Variants in DNAH9 observed in about 807,000 individuals in gnomAD.
DNAH9 encodes dynein axonemal heavy chain 9.
In DNAH9, 345 loss-of-function variants were observed where a neutral mutation model predicts 471.6. The ratio of observed to expected loss-of-function variants is 0.73; its 90% confidence interval spans 0.67 to 0.80. DNAH9 has a LOEUF of 0.80. Ranked by LOEUF, DNAH9 falls within the 30% of genes least tolerant of loss-of-function variation. The probability of loss-of-function intolerance (pLI) is 0.00; values close to 1 mark genes in which losing one functional copy is unlikely to be tolerated. For synonymous variants in DNAH9, 2,093 were observed against 2,123.6 expected (o/e 0.99, Z 0.40); for missense variants, 5,407 against 5,609.2 (o/e 0.96, Z 1.15).
At chr17:11,682,344 T>G (rs1159821898) in intron 19 of DNAH9, among the ~76,000 whole-genome samples, 1 of 152,014 alleles carries the variant, frequency 6.6e-6, no homozygotes, top group Non-Finnish European at 1.5e-5. Context: ...TTGAACTCCT[T>G]GGGTTCAAGC....
At chr17:11,903,625 G>A (rs1255590798) in intron 60 of DNAH9, among the ~76,000 whole-genome samples, 1 of 151,778 alleles carries the variant, frequency 6.6e-6, no homozygotes, top group Non-Finnish European at 1.5e-5. Flanking sequence ...AAATACCAGG[G>A]AGGGCCCGGG....
intron 41 of DNAH9, among the ~76,000 whole-genome samples, chr17:11,791,193 A>C (rs1044639467): frequency 1.3e-5 from 2 of 152,146 alleles, no homozygotes; most frequent in Non-Finnish European, 2.9e-5. Context: ...TATTTTTAAA[A>C]AATTTTAGGA....
intron 6 of DNAH9, among the ~76,000 whole-genome samples, chr17:11,628,629 C>G (rs978975657): frequency 6.6e-6 from 1 of 152,118 alleles, no homozygotes; most frequent in Non-Finnish European, 1.5e-5. Flanking sequence ...CAAAGAAGGC[C>G]GGTGTCACCC....
chr17:11,766,035 C>T lies in DNAH9; in HGVS notation c.7171-2418C>T, dbSNP rs114766242. Reference sequence around the variant, plus strand: ...AGAAAGCATCCCTCCAGGCGTCCTGCGCACTGGAGCACTTGAAGCAATTGA... The same window carrying T: ...AGAAAGCATCCCTCCAGGCGTCCTGTGCACTGGAGCACTTGAAGCAATTGA... On this transcript the variant is annotated intron_variant, in intron 36 of 68. Coordinates refer to ENST00000262442, the MANE Select transcript of DNAH9 (RefSeq NM_001372.4). Among the ~76,000 whole-genome samples, 751 of 152,224 alleles carry T rather than the reference C, an allele frequency of 4.9e-3. 5 individuals are homozygous for T. The highest frequency in any genetic ancestry group is 0.012 in the African/African-American group (509 of 41,548).
rs1311496049 is a variant in DNAH9, at chr17:11,727,905, T to G, written c.5797T>G (p.Ser1933Ala). ...EFNRISVEVL[S>A]VVAVQVKSIQ... ...TAATCGAATCTCCGTGGAGGTCTTG[T>G]CAGTGGTGGCAGTGCAGGTAAGGGC... Residue 1933 changes from serine (S) to alanine (A), a missense_variant, in exon 28 of 69, where the codon TCA (serine) becomes GCA (alanine). Ser to Ala is a moderately conservative substitution (Grantham distance 99). Coordinates refer to ENST00000262442, the MANE Select transcript of DNAH9 (RefSeq NM_001372.4). 6.2e-7 allele frequency: 1 copy of G among 1,613,706 alleles called. No individual in the cohort carries two copies. Among genetic ancestry groups the G allele is most frequent in the South Asian group, 1.1e-5 (1 of 91,070 alleles).
intron 19 of DNAH9, among the ~76,000 whole-genome samples, chr17:11,683,458 C>A (rs1191733970): frequency 6.6e-6 from 1 of 152,148 alleles, no homozygotes; most frequent in Non-Finnish European, 1.5e-5. Context: ...AGGCATGAAC[C>A]ACCACGCCCG....
chr17:11,772,437 C>T (rs1968246855), intron 38 of DNAH9, among the ~76,000 whole-genome samples: 2 of 152,234 alleles, frequency 1.3e-5, no homozygotes, highest in South Asian at 4.1e-4. Context: ...GGGCTTTCTC[C>T]TTCCCTCCTG....
intron 41 of DNAH9, among the ~76,000 whole-genome samples, chr17:11,786,461 T>A (rs1018594732): frequency 6.6e-6 from 1 of 152,074 alleles, no homozygotes; most frequent in African/African-American, 2.4e-5. Context: ...GGGCCCTACT[T>A]AACAGTTAGA....
intron 38 of DNAH9, 76 bp downstream of exon 38, chr17:11,769,405 T>C: frequency 1.5e-6 from 2 of 1,361,384 alleles, no homozygotes. Flanking sequence ...AAGCCAAGCG[T>C]CAGGTGCCTG....
intron 12 of DNAH9, among the ~76,000 whole-genome samples, chr17:11,647,700 C>G (rs759266364): frequency 1.3e-5 from 2 of 152,126 alleles, no homozygotes; most frequent in African/African-American, 4.8e-5. Context: ...CTCCTGCCCT[C>G]AAGGAACCCA....
At position 11,638,331 on chromosome 17, in the gene DNAH9, G is replaced by A. The variant is rs573218950; in HGVS notation, c.1786+1547G>A. On this transcript the variant is annotated intron_variant, in intron 9 of 68. Coordinates refer to ENST00000262442, the MANE Select transcript of DNAH9 (RefSeq NM_001372.4). ...CTCAAATGCCTCCAGAAGCTATATC[G>A]GTAACAAATGACCACGACCTTAGTA... is the stretch of plus-strand genomic sequence containing the variant. Among the ~76,000 whole-genome samples the A allele has an allele frequency of 3.9e-5, 6 of 152,094 alleles. No individual in the cohort carries two copies. The South Asian group carries it at 8.3e-4, about 21-fold the overall frequency.
At chr17:11,852,912 A>G (rs950013520) in intron 49 of DNAH9, among the ~76,000 whole-genome samples, 2 of 145,898 alleles carry the variant, frequency 1.4e-5, no homozygotes, top group African/African-American at 5.0e-5. Flanking sequence ...TATATATAAA[A>G]GAAAGTATAT....
At chr17:11,886,322 TCAAA>T (rs371583670) in intron 56 of DNAH9, among the ~76,000 whole-genome samples, 199 of 152,002 alleles carry the variant, frequency 1.3e-3, no homozygotes, top group South Asian at 3.9e-3. Context: ...AGACTTTGTC[TCAAA>T]CAAACAAACA....
chr17:11,757,087 T>A (rs1049678929), intron 34 of DNAH9, among the ~76,000 whole-genome samples: 2 of 152,122 alleles, frequency 1.3e-5, no homozygotes, highest in Admixed American at 6.5e-5. Flanking sequence ...GGGAGTAGAA[T>A]GTCAGTTGCC....
At chr17:11,699,701 A>G (rs747570702) in intron 22 of DNAH9, 30 bp from the exon 23 acceptor site, 1 of 1,609,594 alleles carries the variant, frequency 6.2e-7, no homozygotes, top group Middle Eastern at 1.7e-4. Flanking sequence ...AACATGTTTT[A>G]TGATCCATTG....
chr17:11,830,020 T>A (rs559428436), intron 48 of DNAH9, among the ~76,000 whole-genome samples: 1 of 152,300 alleles, frequency 6.6e-6, no homozygotes, highest in South Asian at 2.1e-4. Context: ...GAGGGACTTT[T>A]CCTCCTTCTC....
At chr17:11,890,498 T>TC (rs1973014361) in intron 57 of DNAH9, among the ~76,000 whole-genome samples, 1 of 89,158 alleles carries the variant, frequency 1.1e-5, no homozygotes, top group Admixed American at 1.4e-4. Context: ...GAGACTCAAA[T>TC]CTTATCTGGT....
chr17:11,650,901 A>G (rs2073492871), intron 12 of DNAH9, among the ~76,000 whole-genome samples, 168 bp from the exon 13 acceptor site: 2 of 152,204 alleles, frequency 1.3e-5, no homozygotes, highest in South Asian at 4.1e-4. Flanking sequence ...TCTGCCTGAT[A>G]CTTGATTTTC....
At chr17:11,967,457 A>G (rs1976831910) in intron 68 of DNAH9, among the ~76,000 whole-genome samples, 2 of 152,234 alleles carry the variant, frequency 1.3e-5, no homozygotes, top group African/African-American at 4.8e-5. Flanking sequence ...TTTAAAAAAT[A>G]GTAAACAAGG....
Sources: gnomAD v4.1 joint callset for allele counts (sites outside exome capture counted in the v4.1 genomes callset) on GRCh38, gnomAD v4.1.1 for gene constraint, MANE v1.5 for transcripts, NCBI Gene and HGNC (gene_info 2026-07-23, HGNC 2026-07-21) for gene names.